Variants in ST6GALNAC3 observed in about 807,000 individuals in gnomAD.
The protein encoded by ST6GALNAC3 is alpha-N-acetylgalactosaminide alpha-2,6-sialyltransferase 3.
A neutral mutation model predicts 32.7 loss-of-function variants in ST6GALNAC3; 25 were observed. The observed-to-expected ratio is 0.76, with a 90% CI of 0.56 to 1.07. The LOEUF is 1.07. Among genes scored for constraint, ST6GALNAC3 ranks in the 50% least tolerant of loss-of-function variants. The probability of loss-of-function intolerance (pLI) is 0.00; values close to 1 mark genes in which losing one functional copy is unlikely to be tolerated. For synonymous variants in ST6GALNAC3, 129 were observed against 133.1 expected (o/e 0.97, Z 0.21); for missense variants, 355 against 382.4 (o/e 0.93, Z 0.60).
chr1:76,247,659 G>A (rs951137956), intron 1 of ST6GALNAC3, among the ~76,000 whole-genome samples: 3 of 152,146 alleles, frequency 2.0e-5, no homozygotes, highest in East Asian at 1.9e-4. Flanking sequence ...AGTAATGGCC[G>A]ATGCCCCTCC....
At chr1:76,498,058 T>C (rs763639792) in intron 3 of ST6GALNAC3, among the ~76,000 whole-genome samples, 2 of 152,144 alleles carry the variant, frequency 1.3e-5, no homozygotes, top group Non-Finnish European at 2.9e-5. Flanking sequence ...TACACCAATC[T>C]GTGTCCTGCT....
intron 1 of ST6GALNAC3, among the ~76,000 whole-genome samples, chr1:76,122,194 A>G (rs1438449640): frequency 1.3e-5 from 2 of 152,212 alleles, no homozygotes; most frequent in East Asian, 1.9e-4. Flanking sequence ...AGAAACTGGA[A>G]TGATTACTTG....
rs368801416 is a variant in ST6GALNAC3 at position 76,416,862 on chromosome 1, G to A, written c.623+4445G>A. ...AGGCTAGTCTCGAACTCCTGACCCC[G>A]TGAGCCATCTTCCTTAGGCTCCCAA... On this transcript the variant is annotated intron_variant, in intron 3 of 4. Coordinates refer to ENST00000328299, the MANE Select transcript of ST6GALNAC3 (RefSeq NM_152996.4). 1.6e-4 allele frequency among the ~76,000 whole-genome samples: 25 copies of A among 152,034 alleles called. No individual in the cohort carries two copies. The East Asian group carries it at 2.7e-3, about 17-fold the overall frequency.
chr1:76,472,568 C>A (rs1279275548), intron 3 of ST6GALNAC3, among the ~76,000 whole-genome samples: 2 of 152,156 alleles, frequency 1.3e-5, no homozygotes, highest in African/African-American at 4.8e-5. Flanking sequence ...CTGCTACTCA[C>A]TAGCTGCTGA....
intron 1 of ST6GALNAC3, among the ~76,000 whole-genome samples, chr1:76,179,592 G>C (rs1204471099): frequency 6.6e-6 from 1 of 152,108 alleles, no homozygotes; most frequent in African/African-American, 2.4e-5. Flanking sequence ...CTTTTACTCA[G>C]AACTCCTGTC....
intron 3 of ST6GALNAC3, among the ~76,000 whole-genome samples, chr1:76,548,836 A>T (rs1312110915): frequency 6.6e-6 from 1 of 152,078 alleles, no homozygotes. Flanking sequence ...GGCATTTACC[A>T]TGATTTGTAG....
intron 1 of ST6GALNAC3, among the ~76,000 whole-genome samples, chr1:76,111,591 C>T (rs897284940): frequency 5.4e-5 from 8 of 149,456 alleles, no homozygotes; most frequent in East Asian, 2.0e-4. Context: ...TGCGGCCTTC[C>T]GCAGTGTTTG....
At chr1:76,324,608 A>C (rs1004127332) in intron 2 of ST6GALNAC3, among the ~76,000 whole-genome samples, 1 of 152,184 alleles carries the variant, frequency 6.6e-6, no homozygotes, top group East Asian at 1.9e-4. Context: ...GTTATCAAAA[A>C]CGAGGAAAGT....
chr1:76,612,621 G>A (rs995280962), intron 3 of ST6GALNAC3, among the ~76,000 whole-genome samples: 5 of 152,100 alleles, frequency 3.3e-5, no homozygotes, highest in Admixed American at 1.3e-4. Flanking sequence ...TAAAACCATG[G>A]TTGAGAGCAC....
intron 1 of ST6GALNAC3, among the ~76,000 whole-genome samples, chr1:76,190,986 T>C (rs916420518): frequency 2.6e-5 from 4 of 152,096 alleles, no homozygotes; most frequent in African/African-American, 9.7e-5. Context: ...AAATTCAGAG[T>C]TGCTGGCCCC....
intron 3 of ST6GALNAC3, among the ~76,000 whole-genome samples, chr1:76,613,411 A>G (rs1648069748): frequency 6.6e-6 from 1 of 152,198 alleles, no homozygotes; most frequent in Admixed American, 6.5e-5. Context: ...AGCACATTTC[A>G]ATCCTACCAG....
At chr1:76,434,788 T>TTG (rs1656021992) in intron 3 of ST6GALNAC3, among the ~76,000 whole-genome samples, 2 of 138,322 alleles carry the variant, frequency 1.4e-5, no homozygotes, top group Non-Finnish European at 3.1e-5. Context: ...TTCTCTGTTT[T>TTG]TTTTTTTTTT....
At chr1:76,470,649 A>C (rs770915581) in intron 3 of ST6GALNAC3, among the ~76,000 whole-genome samples, 1 of 151,976 alleles carries the variant, frequency 6.6e-6, no homozygotes, top group Non-Finnish European at 1.5e-5. Flanking sequence ...AATAGGGGGG[A>C]AAAATCCAGG....
At chr1:76,436,023 C>T (rs1656118780) in intron 3 of ST6GALNAC3, among the ~76,000 whole-genome samples, 2 of 152,072 alleles carry the variant, frequency 1.3e-5, no homozygotes, top group South Asian at 2.1e-4. Flanking sequence ...ACTCCCTTCC[C>T]ACCCTTTCCC....
At chr1:76,308,448 A>G (rs1176122437) in intron 1 of ST6GALNAC3, among the ~76,000 whole-genome samples, 3 of 152,182 alleles carry the variant, frequency 2.0e-5, no homozygotes, top group Non-Finnish European at 4.4e-5. Flanking sequence ...AGTGTCATAC[A>G]TTATAAACTG....
intron 3 of ST6GALNAC3, among the ~76,000 whole-genome samples, chr1:76,435,269 A>G (rs1202161252): frequency 6.6e-6 from 1 of 152,188 alleles, no homozygotes. Context: ...TCTAAAATCA[A>G]TTTGAGAATA....
intron 1 of ST6GALNAC3, among the ~76,000 whole-genome samples, chr1:76,118,342 C>A (rs1648626636): frequency 6.6e-6 from 1 of 152,160 alleles, no homozygotes; most frequent in South Asian, 2.1e-4. Context: ...TTGATAAATG[C>A]TATTTGCTCT....
chr1:76,186,593 A>C (rs1182051193), intron 1 of ST6GALNAC3, among the ~76,000 whole-genome samples: 2 of 152,146 alleles, frequency 1.3e-5, no homozygotes, highest in Non-Finnish European at 2.9e-5. Flanking sequence ...TCTTTGTACA[A>C]ACCTGCTTAT....
chr1:76,170,559 C>T (rs1389816154), intron 1 of ST6GALNAC3, among the ~76,000 whole-genome samples: 1 of 152,312 alleles, frequency 6.6e-6, no homozygotes, highest in African/African-American at 2.4e-5. Flanking sequence ...TATTACTTTA[C>T]TGGCCAGGGA....
Sources: gnomAD v4.1 joint callset for allele counts (sites outside exome capture counted in the v4.1 genomes callset) on GRCh38, gnomAD v4.1.1 for gene constraint, MANE v1.5 for transcripts, NCBI Gene and HGNC (gene_info 2026-07-23, HGNC 2026-07-21) for gene names.